The following SRBD1 variants were observed in gnomAD, a reference collection of about 807,000 sequenced individuals.
SRBD1 encodes the protein S1 RNA binding domain 1.
A neutral mutation model predicts 115.3 loss-of-function variants in SRBD1; 88 were observed. The ratio of observed to expected loss-of-function variants is 0.76; its 90% CI spans 0.64 to 0.91. The LOEUF (loss-of-function observed/expected upper bound fraction) is 0.91, where lower values mean the gene tolerates loss of function less well. Ranked by LOEUF, SRBD1 falls within the 40% of genes least tolerant of loss-of-function variation. The pLI, the probability that SRBD1 is intolerant of heterozygous loss-of-function variation, is 0.00. For missense variants in SRBD1, 1,385 were observed against 1,177.4 expected (o/e 1.18, Z -2.58); for synonymous variants, 509 against 407.7 (o/e 1.25, Z -2.99).
rs1250113252 is a variant in SRBD1, at chr2:45,388,735, G to A, written c.*575C>T. 6.6e-6 allele frequency: 1 copy of A among 152,586 alleles called. No individual in the cohort carries two copies. Among genetic ancestry groups the A allele is most frequent in the Non-Finnish European group, 1.5e-5 (1 of 68,404 alleles). 9.5% of individuals were successfully genotyped at this position (152,586 alleles called of 1,614,324 possible). A position where few individuals can be genotyped will look rare whatever the true frequency, so the allele number is the denominator to read the frequency against. ...CAATACGTATATCCTTTTGAGAAGTGTTTCGAGCCATTCATTTGATAACTA... is the reference window on the plus strand; with the variant it reads ...CAATACGTATATCCTTTTGAGAAGTATTTCGAGCCATTCATTTGATAACTA... On this transcript the variant is annotated 3_prime_UTR_variant, in exon 21 of 21. Transcript: ENST00000263736.
At chr2:45,601,186 A>T (rs1173739441) in intron 3 of SRBD1, among the ~76,000 whole-genome samples, 6 of 152,216 alleles carry the variant, frequency 3.9e-5, no homozygotes, top group African/African-American at 1.4e-4. Flanking sequence ...TAATGCCTAG[A>T]CCACAGTGGA....
chr2:45,411,033 T>C (rs538178027), intron 19 of SRBD1, among the ~76,000 whole-genome samples: 114 of 152,316 alleles, frequency 7.5e-4, no homozygotes, highest in Non-Finnish European at 8.4e-4. Context: ...TTAATTGAAC[T>C]CCAGGGTCAT....
chr2:45,562,583 T>C lies in SRBD1; in HGVS notation c.1409+70A>G, dbSNP rs187589314. ...CGTAATAGACATCTTTACATATCAG[T>C]ACATATAGATATCGGTATCATATTT... On this transcript the variant is annotated intron_variant, in intron 10 of 20. Transcript: ENST00000263736. The C allele has an allele frequency of 7.4e-5, 92 of 1,242,858 alleles. No homozygotes were observed. The African/African-American group carries it at 1.3e-3, about 17-fold the overall frequency. 77.0% of individuals were successfully genotyped at this position (1,242,858 alleles called of 1,614,324 possible).
At chr2:45,420,945 T>C (rs1311446585) in intron 16 of SRBD1, among the ~76,000 whole-genome samples, 4 of 152,328 alleles carry the variant, frequency 2.6e-5, no homozygotes, top group East Asian at 3.9e-4. Context: ...ACATGTGCCA[T>C]GTTGGTGGTA....
intron 12 of SRBD1, among the ~76,000 whole-genome samples, chr2:45,549,263 T>G (rs573114709): frequency 6.8e-6 from 1 of 146,042 alleles, no homozygotes; most frequent in African/African-American, 2.5e-5. Flanking sequence ...AGAAGCAGAT[T>G]CCAGAAACTA....
At chr2:45,415,959 T>G (rs1209413619) in intron 18 of SRBD1, among the ~76,000 whole-genome samples, 1 of 151,928 alleles carries the variant, frequency 6.6e-6, no homozygotes, top group Non-Finnish European at 1.5e-5. Flanking sequence ...CCAAAACCAA[T>G]TTAAGGATGA....
At chr2:45,610,926 T>TAA (rs1674428388) in intron 1 of SRBD1, among the ~76,000 whole-genome samples, 1 of 109,350 alleles carries the variant, frequency 9.1e-6, no homozygotes. Context: ...AGACTCCGTC[T>TAA]CAAAAAAAAA....
At chr2:45,585,535 T>A in intron 5 of SRBD1, 73 bp downstream of exon 5, 1 of 1,460,720 alleles carries the variant, frequency 6.8e-7, no homozygotes. Flanking sequence ...AAATATACCG[T>A]CATTCACTTT....
intron 19 of SRBD1, among the ~76,000 whole-genome samples, chr2:45,393,757 C>G (rs923994757): frequency 6.6e-6 from 1 of 152,188 alleles, no homozygotes; most frequent in Non-Finnish European, 1.5e-5. Context: ...CTGTTCCCTA[C>G]AATTTCAATT....
At chr2:45,492,687 C>T (rs1163495548) in intron 14 of SRBD1, among the ~76,000 whole-genome samples, 1 of 152,196 alleles carries the variant, frequency 6.6e-6, no homozygotes, top group African/African-American at 2.4e-5. Flanking sequence ...GATCCGCCTG[C>T]CTCGGCCTCC....
At position 45,413,279 on chromosome 2, in the gene SRBD1, G is replaced by A. The variant is rs1329486060; in HGVS notation, c.2348C>T (p.Thr783Ile). The change falls in exon 19 of 21, where the codon ACT becomes ATT. Residue 783 changes from threonine to isoleucine, a missense_variant. Coordinates refer to ENST00000263736, the MANE Select transcript of SRBD1 (RefSeq NM_018079.5). ...IRTFCSQQTE[T>I]SGQIQGVAVT... Reference sequence around the variant, plus strand: ...AGCAACTCCTTGAATTTGGCCTGAAGTTTCAGTTTGCTGACTATATAAAAC... The same window carrying A: ...AGCAACTCCTTGAATTTGGCCTGAAATTTCAGTTTGCTGACTATATAAAAC... The A allele has an allele frequency of 1.9e-6, 3 of 1,612,940 alleles. No homozygotes were observed. Among genetic ancestry groups the A allele is most frequent in the East Asian group, 2.2e-5 (1 of 44,856 alleles).
intron 19 of SRBD1, among the ~76,000 whole-genome samples, chr2:45,393,687 T>C (rs1019956179): frequency 1.3e-5 from 2 of 152,194 alleles, no homozygotes; most frequent in South Asian, 4.1e-4. Flanking sequence ...GCCAAAAATA[T>C]TTTACACTAT....
chr2:45,602,594 T>A (rs1444183345), intron 2 of SRBD1, among the ~76,000 whole-genome samples: 2 of 152,232 alleles, frequency 1.3e-5, no homozygotes, highest in East Asian at 3.8e-4. Context: ...ACTGCTTTAA[T>A]TAACCCTTTT....
intron 19 of SRBD1, among the ~76,000 whole-genome samples, chr2:45,406,900 C>T (rs1006962164): frequency 1.3e-5 from 2 of 151,786 alleles, no homozygotes; most frequent in African/African-American, 2.4e-5. Flanking sequence ...TTAAGAAGCA[C>T]ATGTAACACA....
chr2:45,419,149 T>C (rs1667924347), intron 17 of SRBD1, among the ~76,000 whole-genome samples: 1 of 152,234 alleles, frequency 6.6e-6, no homozygotes, highest in Non-Finnish European at 1.5e-5. Flanking sequence ...TTTGTAGATG[T>C]GTTAGAAAAT....
At chr2:45,492,439 G>C (rs548755280) in intron 14 of SRBD1, among the ~76,000 whole-genome samples, 15 of 151,992 alleles carry the variant, frequency 9.9e-5, no homozygotes, top group African/African-American at 3.4e-4. Context: ...GGTTTTTTCT[G>C]TTGTTGTTGT....
intron 15 of SRBD1, among the ~76,000 whole-genome samples, chr2:45,486,944 A>G (rs1252884580): frequency 6.6e-6 from 1 of 152,088 alleles, no homozygotes; most frequent in Non-Finnish European, 1.5e-5. Context: ...TTATTATTAT[A>G]AGGCAACCAC....
intron 19 of SRBD1, among the ~76,000 whole-genome samples, chr2:45,412,360 A>C (rs141284262): frequency 1.1e-4 from 16 of 152,196 alleles, no homozygotes; most frequent in Admixed American, 9.8e-4. Flanking sequence ...AGTTTTCTAT[A>C]ATATACTATA....
intron 18 of SRBD1, 104 bp downstream of exon 18, chr2:45,418,261 G>T: frequency 7.4e-7 from 1 of 1,360,456 alleles, no homozygotes; most frequent in Non-Finnish European, 1.0e-6. Flanking sequence ...ATGAAGGCAT[G>T]AACAATGGAC....
Sources: allele counts gnomAD v4.1 joint callset (sites outside exome capture counted in the v4.1 genomes callset), GRCh38; gene constraint gnomAD v4.1.1; transcripts MANE v1.5; gene names NCBI Gene and HGNC (gene_info 2026-07-23, HGNC 2026-07-21).